The following RALGAPA1 variants were observed in gnomAD, a reference collection of about 807,000 sequenced individuals.
RALGAPA1 encodes ral GTPase-activating protein subunit alpha-1.
RALGAPA1 carries 52 observed loss-of-function variants against 269.6 expected under a neutral mutation model. The observed-to-expected ratio is 0.19, with a 90% CI of 0.15 to 0.24. The LOEUF (loss-of-function observed/expected upper bound fraction) is 0.24. Ranked by LOEUF, RALGAPA1 falls within the 10% of genes least tolerant of loss-of-function variation. The pLI, the probability that RALGAPA1 is intolerant of heterozygous loss-of-function variation, is 1.00. For synonymous variants in RALGAPA1, 817 were observed against 1,008.3 expected (o/e 0.81, Z 3.60); for missense variants, 1,917 against 3,013.9 (o/e 0.64, Z 8.52).
intron 3 of RALGAPA1, among the ~76,000 whole-genome samples, chr14:35,773,480 T>C (rs963210329): frequency 1.3e-5 from 2 of 151,984 alleles, no homozygotes; most frequent in Admixed American, 1.3e-4. Context: ...AAATAATCAA[T>C]ATATATTACA....
intron 28 of RALGAPA1, 85 bp from the exon 29 acceptor site, chr14:35,656,000 CAT>C: frequency 6.3e-7 from 1 of 1,592,394 alleles, no homozygotes; most frequent in Non-Finnish European, 8.5e-7. Context: ...ACAGAATGAA[CAT>C]GCACTATTTT....
At position 35,625,345 on chromosome 14, in the gene RALGAPA1, T is replaced by C; in HGVS notation, c.6929+16A>G. 6.3e-7 allele frequency: 1 copy of C among 1,588,202 alleles called. No individual in the cohort carries two copies. Reference sequence around the variant, plus strand: ...CTGAGAGTTGCTAGTTATGTGAAGATTTTCCAACAACTTACCACTGCCTTG... The same window carrying C: ...CTGAGAGTTGCTAGTTATGTGAAGACTTTCCAACAACTTACCACTGCCTTG... On this transcript the variant is annotated intron_variant, in intron 35 of 41. Transcript: ENST00000680220.
At position 35,635,599 on chromosome 14, in the gene RALGAPA1, C is replaced by T; in HGVS notation, c.5677-1G>A. ...GGCAGAGAAGTAAAGATACTACCAA[C>T]TGTAACAACAATAGAATCATTATAA... is the stretch of plus-strand genomic sequence containing the variant. On this transcript the variant is annotated splice_acceptor_variant, in intron 31 of 41. Coordinates refer to ENST00000680220, the MANE Select transcript of RALGAPA1 (RefSeq NM_001346249.2). LOFTEE classifies it high-confidence loss of function. The T allele has an allele frequency of 6.4e-7, 1 of 1,568,436 alleles. No individual in the cohort carries two copies. The highest frequency in any genetic ancestry group is 8.6e-7 in the Non-Finnish European group (1 of 1,160,652).
chr14:35,770,331 C>T (rs1237210074), intron 4 of RALGAPA1, among the ~76,000 whole-genome samples: 2 of 152,052 alleles, frequency 1.3e-5, no homozygotes, highest in African/African-American at 2.4e-5. Flanking sequence ...TGAAGACTGA[C>T]CATTATCTTT....
chr14:35,624,441 G>A (rs138807116), intron 35 of RALGAPA1, among the ~76,000 whole-genome samples: 46 of 152,174 alleles, frequency 3.0e-4, no homozygotes, highest in African/African-American at 1.1e-3. Context: ...TAGAGTAACT[G>A]AGGAAAGTTT....
At chr14:35,606,917 T>C (rs976484466) in intron 35 of RALGAPA1, among the ~76,000 whole-genome samples, 2 of 152,152 alleles carry the variant, frequency 1.3e-5, no homozygotes, top group African/African-American at 2.4e-5. Context: ...CTTTCAATAA[T>C]GGAATATTTT....
At chr14:35,616,860 A>G (rs1244848604) in intron 35 of RALGAPA1, among the ~76,000 whole-genome samples, 1 of 152,166 alleles carries the variant, frequency 6.6e-6, no homozygotes, top group Non-Finnish European at 1.5e-5. Context: ...GAGGTAAGCA[A>G]GACAGAAAAA....
intron 33 of RALGAPA1, among the ~76,000 whole-genome samples, chr14:35,631,281 C>T (rs1485903949): frequency 4.6e-5 from 7 of 152,140 alleles, no homozygotes; most frequent in Non-Finnish European, 1.0e-4. Context: ...CTCTAATTTC[C>T]ATACTTTTTT....
chr14:35,546,514 G>A (rs945030808), intron 41 of RALGAPA1, among the ~76,000 whole-genome samples: 1 of 151,504 alleles, frequency 6.6e-6, no homozygotes, highest in Non-Finnish European at 1.5e-5. Flanking sequence ...ATATAATTAT[G>A]TTATAGGGTT....
At chr14:35,766,384 A>C in intron 4 of RALGAPA1, 3 of 1,508,538 alleles carry the variant, frequency 2.0e-6, no homozygotes, top group Non-Finnish European at 2.7e-6. Context: ...ATTCCAGAGG[A>C]ATATCTTGTA....
At chr14:35,595,873 A>C in intron 36 of RALGAPA1, 84 bp from the exon 37 acceptor site, 1 of 1,123,230 alleles carries the variant, frequency 8.9e-7, no homozygotes, top group Non-Finnish European at 1.3e-6. Flanking sequence ...TTGCTTAAGA[A>C]AAAAATTGGG....
At chr14:35,702,906 A>T (rs1193722546) in intron 16 of RALGAPA1, among the ~76,000 whole-genome samples, 1 of 151,684 alleles carries the variant, frequency 6.6e-6, no homozygotes, top group Non-Finnish European at 1.5e-5. Context: ...CGCCAGGCTA[A>T]TTTTTGTATT....
At chr14:35,786,044 C>T (rs1335088516) in intron 1 of RALGAPA1, among the ~76,000 whole-genome samples, 1 of 152,056 alleles carries the variant, frequency 6.6e-6, no homozygotes, top group African/African-American at 2.4e-5. Flanking sequence ...ATGGTTCCAG[C>T]TACTCAGGAG....
At chr14:35,649,703 ATAGT>A (rs1422317049) in intron 31 of RALGAPA1, among the ~76,000 whole-genome samples, 1 of 152,120 alleles carries the variant, frequency 6.6e-6, no homozygotes, top group African/African-American at 2.4e-5. Flanking sequence ...CCTTTCCCCA[ATAGT>A]TAATTACTTC....
intron 4 of RALGAPA1, among the ~76,000 whole-genome samples, chr14:35,769,854 A>C (rs1313553330): frequency 6.6e-6 from 1 of 152,196 alleles, no homozygotes; most frequent in Non-Finnish European, 1.5e-5. Context: ...AAATGGTCTC[A>C]CTTTTGAATT....
intron 41 of RALGAPA1, among the ~76,000 whole-genome samples, chr14:35,547,724 T>A (rs530008895): frequency 1.3e-5 from 2 of 152,280 alleles, no homozygotes; most frequent in African/African-American, 2.4e-5. Flanking sequence ...TCCATTAAAG[T>A]GAATCTTAGA....
intron 1 of RALGAPA1, among the ~76,000 whole-genome samples, chr14:35,798,943 C>T (rs1020756430): frequency 4.0e-5 from 6 of 151,122 alleles, no homozygotes; most frequent in African/African-American, 7.3e-5. Context: ...TAGTAGTGAG[C>T]CAAGATTGCA....
Position 35,762,754 on chromosome 14 carries a change from C to T in RALGAPA1, c.326-1G>A. The T allele has an allele frequency of 6.9e-7, 1 of 1,452,790 alleles. No homozygotes were observed. The highest frequency in any genetic ancestry group is 1.1e-5 in the South Asian group (1 of 87,666). 90.0% of individuals were successfully genotyped at this position (1,452,790 alleles called of 1,614,324 possible). A position where few individuals can be genotyped will look rare whatever the true frequency, so the allele number is the denominator to read the frequency against. ...TGAAGTAGCTTCTTTAAAATCAATCCTGAAAAGAAAATATGATTTTAAATA... is the reference window on the plus strand; with the variant it reads ...TGAAGTAGCTTCTTTAAAATCAATCTTGAAAAGAAAATATGATTTTAAATA... On this transcript the variant is annotated splice_acceptor_variant, in intron 4 of 41. Coordinates refer to ENST00000680220, the MANE Select transcript of RALGAPA1 (RefSeq NM_001346249.2). LOFTEE classifies it high-confidence loss of function.
intron 36 of RALGAPA1, among the ~76,000 whole-genome samples, chr14:35,599,050 C>T (rs2059110076): frequency 6.6e-6 from 1 of 152,178 alleles, no homozygotes; most frequent in Non-Finnish European, 1.5e-5. Context: ...TTATCACAGC[C>T]TACTAGTGTT....
Sources: allele counts gnomAD v4.1 joint callset (sites outside exome capture counted in the v4.1 genomes callset), GRCh38; gene constraint gnomAD v4.1.1; transcripts MANE v1.5; gene names NCBI Gene and HGNC (gene_info 2026-07-23, HGNC 2026-07-21).